KCNAB1: variants seen among roughly 807,000 people sequenced by gnomAD.
KCNAB1 encodes voltage-gated potassium channel subunit beta-1.
In KCNAB1, 35 loss-of-function variants were observed where a neutral mutation model predicts 64.6. That is an observed-to-expected ratio of 0.54 (90% confidence interval 0.41 to 0.72). The LOEUF is 0.72. Ranked by LOEUF, KCNAB1 falls within the 30% of genes least tolerant of loss-of-function variation. KCNAB1 has a pLI of 0.00. For synonymous variants in KCNAB1, 177 were observed against 183.8 expected, an observed-to-expected ratio of 0.96 and a Z score of 0.30; for missense variants, 401 against 512.9, an observed-to-expected ratio of 0.78 and a Z score of 2.11.
At chr3:156,176,729 C>G (rs1712398160) in intron 1 of KCNAB1, 4 of 940,420 alleles carry the variant, frequency 4.3e-6, no homozygotes, top group Non-Finnish European at 7.1e-6. Flanking sequence ...CAGAGAGCAG[C>G]ATGATTGGGG....
Position 156,422,323 on chromosome 3 carries a change from G to A in KCNAB1, c.319+664G>A, listed in dbSNP as rs376233932. ...CTTAGGCCCAGGAAAAGGCAGCCTT[G>A]GCATTCCTGCCATTCAACACCAATC... On this transcript the variant is annotated intron_variant, in intron 2 of 13. Coordinates refer to ENST00000490337, the MANE Select transcript of KCNAB1 (RefSeq NM_172160.3). Among the ~76,000 whole-genome samples, 28 of 152,296 alleles carry A rather than the reference G, an allele frequency of 1.8e-4. 2 individuals carry two copies. Among genetic ancestry groups the A allele is most frequent in the Admixed American group, 1.4e-3 (22 of 15,298 alleles).
intron 6 of KCNAB1, among the ~76,000 whole-genome samples, chr3:156,464,497 T>A (rs1235411719): frequency 1.3e-5 from 2 of 150,204 alleles, no homozygotes; most frequent in African/African-American, 4.9e-5. Context: ...ATAATAATAA[T>A]AATAATAATA....
At chr3:156,236,514 G>A (rs1201088608) in intron 1 of KCNAB1, among the ~76,000 whole-genome samples, 8 of 152,294 alleles carry the variant, frequency 5.3e-5, no homozygotes, top group South Asian at 2.1e-4. Context: ...GTCTATGACC[G>A]TGGAGGGAAC....
chr3:156,510,280 T>C (rs1717116159), intron 8 of KCNAB1, among the ~76,000 whole-genome samples: 1 of 152,184 alleles, frequency 6.6e-6, no homozygotes, highest in Admixed American at 6.5e-5. Flanking sequence ...TTACACTTGG[T>C]TCACAGTTTA....
chr3:156,242,574 T>A (rs1353821372), intron 1 of KCNAB1, among the ~76,000 whole-genome samples: 1 of 152,182 alleles, frequency 6.6e-6, no homozygotes. Context: ...TTCCACTTTA[T>A]TCTTTAATTC....
chr3:156,418,705 G>C (rs905636586), intron 1 of KCNAB1, among the ~76,000 whole-genome samples: 1 of 152,178 alleles, frequency 6.6e-6, no homozygotes, highest in African/African-American at 2.4e-5. Context: ...AAAGAGACTT[G>C]CATCTGAGCA....
At chr3:156,247,741 T>A (rs535676179) in intron 1 of KCNAB1, among the ~76,000 whole-genome samples, 1 of 152,226 alleles carries the variant, frequency 6.6e-6, no homozygotes, top group Non-Finnish European at 1.5e-5. Flanking sequence ...TTTTTGTATT[T>A]TTTTAGTAGA....
At chr3:156,417,461 A>G (rs559595104) in intron 1 of KCNAB1, among the ~76,000 whole-genome samples, 14 of 152,352 alleles carry the variant, frequency 9.2e-5, no homozygotes, top group Admixed American at 7.8e-4. Context: ...ATTTTGCCCC[A>G]TGCATATGCT....
intron 1 of KCNAB1, among the ~76,000 whole-genome samples, chr3:156,359,236 T>C (rs1725450511): frequency 6.6e-6 from 1 of 152,226 alleles, no homozygotes; most frequent in Non-Finnish European, 1.5e-5. Flanking sequence ...CAGTGGTCAC[T>C]CATCTGCTTT....
intron 1 of KCNAB1, among the ~76,000 whole-genome samples, chr3:156,214,541 C>A (rs991681609): frequency 1.3e-5 from 2 of 152,158 alleles, no homozygotes; most frequent in African/African-American, 4.8e-5. Context: ...AATCAGTCCC[C>A]AAACTTCCTG....
intron 1 of KCNAB1, among the ~76,000 whole-genome samples, chr3:156,320,878 T>G (rs1490795779): frequency 1.3e-5 from 2 of 151,210 alleles, no homozygotes; most frequent in Admixed American, 1.3e-4. Context: ...TCAGCACAAG[T>G]GCCTGGCCCA....
chr3:156,467,187 A>C (rs1181231107), intron 7 of KCNAB1, among the ~76,000 whole-genome samples: 1 of 152,152 alleles, frequency 6.6e-6, no homozygotes, highest in African/African-American at 2.4e-5. Flanking sequence ...AATTTATTGA[A>C]TACTGTTCTG....
At chr3:156,153,782 A>G (rs1462735745) in intron 1 of KCNAB1, among the ~76,000 whole-genome samples, 6 of 152,320 alleles carry the variant, frequency 3.9e-5, no homozygotes, top group Non-Finnish European at 7.3e-5. Flanking sequence ...TTTGGGTCCA[A>G]ACTTACACCA....
intron 1 of KCNAB1, among the ~76,000 whole-genome samples, chr3:156,287,508 G>A (rs1044986962): frequency 6.6e-6 from 1 of 151,956 alleles, no homozygotes; most frequent in Non-Finnish European, 1.5e-5. Context: ...TATCATTCAC[G>A]CTATACATCC....
intron 1 of KCNAB1, among the ~76,000 whole-genome samples, chr3:156,238,578 T>C (rs1716991120): frequency 6.6e-6 from 1 of 152,232 alleles, no homozygotes; most frequent in South Asian, 2.1e-4. Flanking sequence ...CAAATGATTC[T>C]ACAATTAGCT....
At chr3:156,396,554 T>C (rs1713477385) in intron 1 of KCNAB1, among the ~76,000 whole-genome samples, 1 of 152,314 alleles carries the variant, frequency 6.6e-6, no homozygotes, top group South Asian at 2.1e-4. Flanking sequence ...AACTTATTCC[T>C]CTCTGCCTCC....
chr3:156,533,445 G>A (rs2108429406), intron 13 of KCNAB1, among the ~76,000 whole-genome samples: 1 of 152,264 alleles, frequency 6.6e-6, no homozygotes, highest in Admixed American at 6.5e-5. Context: ...AGGCCAATGT[G>A]GTCAACACGT....
rs916870982 is a variant in KCNAB1 at position 156,255,001 on chromosome 3, G to C, written c.275+134115G>C. 3.2e-4 allele frequency among the ~76,000 whole-genome samples: 49 copies of C among 152,222 alleles called. No individual in the cohort carries two copies. In the Middle Eastern group the frequency reaches 0.01, roughly 32 times the overall value. ...GCAGAATGTGGAGATTAATTAGCAG[G>C]CTCCCTCTCTTTTCCCTGCCGAGTT... is the stretch of plus-strand genomic sequence containing the variant. On this transcript the variant is annotated intron_variant, in intron 1 of 13. Coordinates refer to ENST00000490337, the MANE Select transcript of KCNAB1 (RefSeq NM_172160.3).
At chr3:156,358,664 T>C (rs1242992935) in intron 1 of KCNAB1, among the ~76,000 whole-genome samples, 1 of 137,928 alleles carries the variant, frequency 7.3e-6, no homozygotes, top group African/African-American at 3.1e-5. Context: ...GGTTTTTCTC[T>C]TTCCATTTTT....
Sources: allele counts gnomAD v4.1 joint callset (sites outside exome capture counted in the v4.1 genomes callset), GRCh38; gene constraint gnomAD v4.1.1; transcripts MANE v1.5; gene names NCBI Gene and HGNC (gene_info 2026-07-23, HGNC 2026-07-21).